The following SLC37A1 variants were observed in gnomAD, a reference collection of about 807,000 sequenced individuals.
SLC37A1 encodes the protein glucose-6-phosphate exchanger SLC37A1.
SLC37A1 carries 49 observed loss-of-function variants against 75.3 expected under a neutral mutation model. The observed-to-expected ratio is 0.65, with a 90% CI of 0.52 to 0.83. The LOEUF (loss-of-function observed/expected upper bound fraction) is 0.83. Ranked by LOEUF, SLC37A1 falls within the 40% of genes least tolerant of loss-of-function variation. SLC37A1 has a pLI of 0.00. For missense variants in SLC37A1, 566 were observed against 695.0 expected, an observed-to-expected ratio of 0.81 and a Z score of 2.09; for synonymous variants, 268 against 292.1, an observed-to-expected ratio of 0.92 and a Z score of 0.84.
Position 42,539,663 on chromosome 21 carries a change from C to T in SLC37A1, c.486+16C>T, listed in dbSNP as rs774849260. 1.1e-5 allele frequency: 18 copies of T among 1,605,328 alleles called. No homozygotes were observed. The East Asian group carries it at 3.2e-4, about 28-fold the overall frequency. On this transcript the variant is annotated intron_variant, in intron 6 of 19. Coordinates refer to ENST00000352133, the MANE Select transcript of SLC37A1 (RefSeq NM_001320537.2). ...GGTAACTCAGGTAAGGGTTTGGATCCGTGGCTCACCATGTACGGGGTTTCC... is the reference window on the plus strand; with the variant it reads ...GGTAACTCAGGTAAGGGTTTGGATCTGTGGCTCACCATGTACGGGGTTTCC...
chr21:42,507,071 C>A (rs377031115), intron 2 of SLC37A1, among the ~76,000 whole-genome samples: 2 of 152,032 alleles, frequency 1.3e-5, no homozygotes, highest in Non-Finnish European at 2.9e-5. Context: ...TCAGTAGAGA[C>A]GGGATTTCAT....
intron 9 of SLC37A1, among the ~76,000 whole-genome samples, chr21:42,550,598 T>A (rs2055532106): frequency 6.6e-6 from 1 of 150,704 alleles, no homozygotes; most frequent in African/African-American, 2.5e-5. Context: ...TAATTCATTC[T>A]ATGAGGTGTT....
chr21:42,518,156 A>C, intron 1 of SLC37A1, 121 bp from the exon 2 acceptor site: 1 of 391,690 alleles, frequency 2.6e-6, no homozygotes, highest in East Asian at 5.5e-5. Context: ...CTTGTATCAG[A>C]CGTGCAGCTT....
intron 5 of SLC37A1, among the ~76,000 whole-genome samples, chr21:42,536,429 G>C (rs376976481): frequency 2.0e-5 from 3 of 152,172 alleles, no homozygotes; most frequent in African/African-American, 7.2e-5. Flanking sequence ...GTCATAGGAC[G>C]TGTGATTGGC....
chr21:42,547,246 A>T lies in SLC37A1; in HGVS notation c.768+106A>T. 7 of 1,227,912 alleles carry T rather than the reference A, an allele frequency of 5.7e-6. No homozygotes were observed. The allele number at this position is 1,227,912 out of a possible 1,614,324, so 76.1% of individuals were successfully genotyped here. On this transcript the variant is annotated intron_variant, in intron 9 of 19. Coordinates refer to ENST00000352133, the MANE Select transcript of SLC37A1 (RefSeq NM_001320537.2). The surrounding 1 kb of genome is among the most constrained non-coding windows in gnomAD (Gnocchi z 6.1). The stretch of plus-strand genomic sequence containing the variant: ...TGTCAGACAGAAACACACAGGGTAG[A>T]CAGAAGTCCCACCCTCAAAACATTG...
intron 2 of SLC37A1, among the ~76,000 whole-genome samples, chr21:42,505,625 T>C (rs1601647247): frequency 6.6e-6 from 1 of 152,090 alleles, no homozygotes; most frequent in South Asian, 2.1e-4. Flanking sequence ...CCCCAGCAGG[T>C]AGGGAGCCCA....
At chr21:42,536,924 C>G (rs1189586780) in intron 5 of SLC37A1, among the ~76,000 whole-genome samples, 1 of 152,206 alleles carries the variant, frequency 6.6e-6, no homozygotes, top group African/African-American at 2.4e-5. Flanking sequence ...TTGATGGAGA[C>G]CAACCATAGT....
chr21:42,523,369 G>T (rs1489707140), intron 2 of SLC37A1, among the ~76,000 whole-genome samples: 2 of 152,244 alleles, frequency 1.3e-5, no homozygotes, highest in African/African-American at 4.8e-5. Context: ...GCTCCAGCAG[G>T]TGGGGTGGAA....
At chr21:42,562,055 C>T (rs376066396) in intron 11 of SLC37A1, 23 bp from the exon 12 acceptor site, 22 of 1,603,024 alleles carry the variant, frequency 1.4e-5, no homozygotes, top group Middle Eastern at 3.3e-4. Flanking sequence ...TTGGAGGAGA[C>T]GCCTGACTGC....
Position 42,528,888 on chromosome 21 carries a change from G to T in SLC37A1, c.138+3031G>T, listed in dbSNP as rs111939756. On this transcript the variant is annotated intron_variant, in intron 3 of 19. Coordinates refer to ENST00000352133, the MANE Select transcript of SLC37A1 (RefSeq NM_001320537.2). Reference sequence around the variant, plus strand: ...ACAGAAAACAAAGTCTGAAAAGCTGGAAGTATGTACTATGGGTGGGAAACT... The same window carrying T: ...ACAGAAAACAAAGTCTGAAAAGCTGTAAGTATGTACTATGGGTGGGAAACT... 7.1e-3 allele frequency among the ~76,000 whole-genome samples: 1,086 copies of T among 152,244 alleles called. 6 individuals carry two copies. Among genetic ancestry groups the T allele is most frequent in the African/African-American group, 8.8e-3 (366 of 41,542 alleles).
rs150186814 is a variant in SLC37A1, at chr21:42,539,610, A to G, written c.449A>G (p.Tyr150Cys). Residue 150 changes from tyrosine to cysteine, a missense_variant, in exon 6 of 20, where the codon TAC (tyrosine) becomes TGC (cysteine). Tyr to Cys is a radical substitution (Grantham distance 194). Transcript: ENST00000352133. ...FTALFGLGYF[Y>C]NIHSFGFYVV... ...GCCCTGTTCGGCTTAGGGTATTTCT[A>G]CAACATCCACAGTTTCGGATTCTAC... The G allele has an allele frequency of 2.6e-5, 42 of 1,613,874 alleles. No individual in the cohort carries two copies. Among genetic ancestry groups the G allele is most frequent in the Non-Finnish European group, 3.1e-5 (37 of 1,179,952 alleles).
At chr21:42,533,289 A>G (rs898462070) in intron 3 of SLC37A1, among the ~76,000 whole-genome samples, 1 of 152,022 alleles carries the variant, frequency 6.6e-6, no homozygotes, top group African/African-American at 2.4e-5. Flanking sequence ...CCTAAGGGAC[A>G]CCCCTCTGAC....
intron 3 of SLC37A1, among the ~76,000 whole-genome samples, chr21:42,530,635 CACACACACACA>C (rs2054930015): frequency 2.5e-5 from 1 of 39,820 alleles, no homozygotes; most frequent in Non-Finnish European, 5.8e-5. Context: ...CACACACACA[CACACACACACA>C]CACACACACC....
chr21:42,580,683 G>C lies in SLC37A1; in HGVS notation c.*323G>C. On this transcript the variant is annotated 3_prime_UTR_variant, in exon 20 of 20. Coordinates refer to ENST00000352133, the MANE Select transcript of SLC37A1 (RefSeq NM_001320537.2). Reference sequence around the variant, plus strand: ...CGCGTGACAACAAGGCCGGGAGGGTGGGGGGGGTGCACAGGTAGCCCCGAC... The same window carrying C: ...CGCGTGACAACAAGGCCGGGAGGGTCGGGGGGGTGCACAGGTAGCCCCGAC... The C allele has an allele frequency of 8.8e-6, 3 of 339,734 alleles. No individual in the cohort carries two copies. Among genetic ancestry groups the C allele is most frequent in the Non-Finnish European group, 5.1e-6 (1 of 194,304 alleles). 21.0% of individuals were successfully genotyped at this position (339,734 alleles called of 1,614,324 possible).
chr21:42,542,989 A>G (rs2055320934), intron 7 of SLC37A1, among the ~76,000 whole-genome samples: 1 of 152,256 alleles, frequency 6.6e-6, no homozygotes, highest in Non-Finnish European at 1.5e-5. Flanking sequence ...GACGATCGCA[A>G]ACAAGATGCG....
chr21:42,501,637 G>A (rs1399287522), intron 1 of SLC37A1, among the ~76,000 whole-genome samples: 1 of 152,272 alleles, frequency 6.6e-6, no homozygotes, highest in African/African-American at 2.4e-5. Flanking sequence ...GCTTGAACCC[G>A]GGAGGCAGAG....
intron 10 of SLC37A1, among the ~76,000 whole-genome samples, chr21:42,554,971 G>T (rs1387525248): frequency 1.5e-5 from 2 of 135,966 alleles, no homozygotes; most frequent in East Asian, 2.0e-4. Context: ...TGTTTGTTTG[G>T]TTGGTTGGTT....
intron 18 of SLC37A1, chr21:42,575,635 C>G: frequency 1.0e-6 from 1 of 985,488 alleles, no homozygotes; most frequent in Non-Finnish European, 1.2e-6. Flanking sequence ...CACAAAGTCC[C>G]CAGACCCACA....
intron 11 of SLC37A1, chr21:42,561,867 C>A: frequency 1.9e-6 from 1 of 515,388 alleles, no homozygotes; most frequent in Non-Finnish European, 3.5e-6. Context: ...CCCTGGTGCC[C>A]CTGCTCGGGG....
Sources: gnomAD v4.1 joint callset for allele counts (sites outside exome capture counted in the v4.1 genomes callset) on GRCh38, gnomAD v4.1.1 for gene constraint, Gnocchi (gnomAD v3.1) non-coding constraint, MANE v1.5 for transcripts, NCBI Gene and HGNC (gene_info 2026-07-23, HGNC 2026-07-21) for gene names.